Variants in USP26 observed in about 807,000 individuals in gnomAD.
The protein encoded by USP26 is ubiquitin specific peptidase 26, also known as ubiquitin carboxyl-terminal hydrolase 26.
For synonymous variants in USP26, 236 were observed against 240.6 expected (o/e 0.98, Z 0.18); for missense variants, 649 against 642.3 (o/e 1.01, Z -0.11).
intron 5 of USP26, among the ~76,000 whole-genome samples, chrX:133,050,041 A>G (rs1351595048): frequency 3.6e-5 from 4 of 112,654 alleles, no homozygotes; most frequent in Admixed American, 1.9e-4. Flanking sequence ...ATTCAAATAC[A>G]TAGAGCACTC....
At chrX:133,039,148 C>T (rs1200960441) in intron 5 of USP26, among the ~76,000 whole-genome samples, 3 of 110,493 alleles carry the variant, frequency 2.7e-5, no homozygotes, top group East Asian at 2.8e-4. Flanking sequence ...AACAGTTTTT[C>T]GTGTCTCTAT....
In USP26 at chrX:133,072,617, A is replaced by G. The variant is rs1040859710; in HGVS notation, c.-77+11090T>C. Among the ~76,000 whole-genome samples, 10 of 112,933 alleles carry G rather than the reference A, an allele frequency of 8.9e-5. No homozygotes were observed. In the Admixed American group the frequency reaches 9.3e-4, roughly 11 times the overall value. On this transcript the variant is annotated intron_variant, in intron 5 of 5. Transcript: ENST00000511190. ...TGTGAACAAATGAATAATGGCTATCATAAACAGGAAGGTATAAGCTGTGCC... is the reference window on the plus strand; with the variant it reads ...TGTGAACAAATGAATAATGGCTATCGTAAACAGGAAGGTATAAGCTGTGCC...
chrX:133,058,067 G>A (rs2067482552), intron 5 of USP26, among the ~76,000 whole-genome samples: 1 of 100,717 alleles, frequency 9.9e-6, no homozygotes, highest in African/African-American at 3.6e-5. Context: ...TTTTTCAGTA[G>A]AGACGGGGTT....
rs373323599 is a variant in USP26, at chrX:133,084,196, T to G, written c.-141-425A>C. ...TTGAGCACAACTTCTTATTTATTTA[T>G]TTAGTTTGTTTGTTTATTTATTTAT... On this transcript the variant is annotated intron_variant, in intron 4 of 5. Coordinates refer to ENST00000511190, the MANE Select transcript of USP26 (RefSeq NM_031907.3). 3.0e-5 allele frequency among the ~76,000 whole-genome samples: 3 copies of G among 100,125 alleles called. No homozygotes were observed. The East Asian group carries it at 9.1e-4, about 30-fold the overall frequency. 86.9% of individuals were successfully genotyped at this position (100,125 alleles called of 115,157 possible).
At chrX:133,030,234 G>C (rs969794325) in intron 5 of USP26, among the ~76,000 whole-genome samples, 3 of 110,977 alleles carry the variant, frequency 2.7e-5, no homozygotes, top group Admixed American at 1.9e-4. Flanking sequence ...TCAACCACTA[G>C]TGCAACACTT....
At chrX:133,028,410 A>G in intron 5 of USP26, 114 bp from the exon 6 acceptor site, 1 of 497,183 alleles carries the variant, frequency 2.0e-6, no homozygotes. Flanking sequence ...CCAGCTCTTC[A>G]GTAACGAGAC....
chrX:133,038,297 G>C (rs1322823757), intron 5 of USP26, among the ~76,000 whole-genome samples: 1 of 111,245 alleles, frequency 9.0e-6, no homozygotes, highest in Non-Finnish European at 1.9e-5. Flanking sequence ...ATTGGCTATG[G>C]GTTTGTCAAT....
chrX:133,076,748 C>A (rs193146466), intron 5 of USP26, among the ~76,000 whole-genome samples: 17 of 111,759 alleles, frequency 1.5e-4, no homozygotes, highest in African/African-American at 5.2e-4. Context: ...GGATCTGAGG[C>A]CTGCCAATAG....
intron 5 of USP26, among the ~76,000 whole-genome samples, chrX:133,067,781 T>G (rs2067516879): frequency 9.0e-6 from 1 of 111,656 alleles, no homozygotes; most frequent in Non-Finnish European, 1.9e-5. Flanking sequence ...ATGTGGGGCT[T>G]AAAACCTAGA....
chrX:133,032,607 G>T (rs376165053), intron 5 of USP26, among the ~76,000 whole-genome samples: 1 of 112,126 alleles, frequency 8.9e-6, no homozygotes, highest in Non-Finnish European at 1.9e-5. Flanking sequence ...CTCCAGCCAC[G>T]TTTAGCTGTC....
intron 1 of USP26, among the ~76,000 whole-genome samples, chrX:133,094,229 C>T (rs963543101): frequency 4.5e-5 from 5 of 110,370 alleles, no homozygotes; most frequent in African/African-American, 1.3e-4. Flanking sequence ...CAATTTAAAA[C>T]GGCTACCTTT....
chrX:133,073,508 A>G (rs1266529112), intron 5 of USP26, among the ~76,000 whole-genome samples: 2 of 111,126 alleles, frequency 1.8e-5, no homozygotes, highest in Admixed American at 9.7e-5. Flanking sequence ...CCTTAGATCC[A>G]GGTCCAGACC....
intron 1 of USP26, among the ~76,000 whole-genome samples, chrX:133,095,723 G>T (rs1475640802): frequency 9.0e-6 from 1 of 111,518 alleles, no homozygotes; most frequent in African/African-American, 3.3e-5. Flanking sequence ...ACGTGGCCAA[G>T]ACTACTCGGG....
At chrX:133,081,335 AC>A (rs774653859) in intron 5 of USP26, among the ~76,000 whole-genome samples, 1 of 29,919 alleles carries the variant, frequency 3.3e-5, no homozygotes, top group Non-Finnish European at 6.6e-5. Context: ...TCTTTCTGTC[AC>A]TCCAGGCTGG....
chrX:133,029,019 A>G (rs1453039065), intron 5 of USP26, among the ~76,000 whole-genome samples: 2 of 112,792 alleles, frequency 1.8e-5, no homozygotes, highest in East Asian at 5.6e-4. Flanking sequence ...TCTGGCTATA[A>G]GGCCCACTTA....
intron 3 of USP26, 138 bp downstream of exon 3, chrX:133,090,580 T>C (rs1465833409): frequency 8.9e-6 from 1 of 112,360 alleles, no homozygotes; most frequent in Non-Finnish European, 1.9e-5. Context: ...AAAGGAATTT[T>C]GACCCAGTTA....
chrX:133,029,744 T>A (rs1385929891), intron 5 of USP26, among the ~76,000 whole-genome samples: 2 of 112,177 alleles, frequency 1.8e-5, no homozygotes, highest in Non-Finnish European at 3.8e-5. Context: ...TATTGGTAGA[T>A]GAAATAATCT....
chrX:133,033,047 G>A (rs913195028), intron 5 of USP26, among the ~76,000 whole-genome samples: 3 of 111,497 alleles, frequency 2.7e-5, no homozygotes, highest in Admixed American at 1.9e-4. Flanking sequence ...CGTAGACTGC[G>A]TTAGAGACAG....
At chrX:133,030,089 T>C (rs2067370818) in intron 5 of USP26, among the ~76,000 whole-genome samples, 1 of 112,064 alleles carries the variant, frequency 8.9e-6, no homozygotes, top group African/African-American at 3.2e-5. Context: ...TAAAATAAAC[T>C]TCAGCATTCC....
Sources: allele counts gnomAD v4.1 joint callset (sites outside exome capture counted in the v4.1 genomes callset), GRCh38; gene constraint gnomAD v4.1.1; transcripts MANE v1.5; gene names NCBI Gene and HGNC (gene_info 2026-07-23, HGNC 2026-07-21).